The following IQCK variants were observed in gnomAD, a reference collection of about 807,000 sequenced individuals.
The protein encoded by IQCK is IQ domain-containing protein K.
A neutral mutation model predicts 28.1 loss-of-function variants in IQCK; 29 were observed. That is an observed-to-expected ratio of 1.03 (90% CI 0.77 to 1.41). The LOEUF (loss-of-function observed/expected upper bound fraction) is 1.41, where lower values mean the gene tolerates loss of function less well. Among genes scored for constraint, IQCK ranks in the 40% most tolerant of loss-of-function variants. The pLI is 0.00. For synonymous variants in IQCK, 113 were observed against 115.1 expected, an observed-to-expected ratio of 0.98 and a Z score of 0.12; for missense variants, 359 against 314.7, an observed-to-expected ratio of 1.14 and a Z score of -1.07.
exon 10 of IQCK, chr16:19,856,801 CTCAG>C: frequency 4.3e-6 from 2 of 460,772 alleles, no homozygotes; most frequent in Admixed American, 3.9e-5. Context: ...TCTTCAGTGC[CTCAG>C]GAGTATTCTT....
chr16:19,726,205 T>C (rs1977651229), intron 1 of IQCK, among the ~76,000 whole-genome samples: 1 of 151,196 alleles, frequency 6.6e-6, no homozygotes, highest in Non-Finnish European at 1.5e-5. Flanking sequence ...TGAGCCACCG[T>C]GCCCAGTCCG....
At chr16:19,718,764 C>A (rs1230180628) in intron 1 of IQCK, among the ~76,000 whole-genome samples, 2 of 151,380 alleles carry the variant, frequency 1.3e-5, no homozygotes, top group African/African-American at 4.8e-5. Flanking sequence ...CGGTGTGGAC[C>A]ATTGGTTCTT....
Position 19,733,242 on chromosome 16 carries a change from A to G in IQCK, c.247-456A>G, listed in dbSNP as rs1314707294. ...AGCCGCCACCTCCTGAGTTCAAGCA[A>G]TTATCCTGCCTCAGCCTTCCAAGTA... On this transcript the variant is annotated intron_variant, in intron 2 of 7. Transcript: ENST00000564186. Among the ~76,000 whole-genome samples the G allele has an allele frequency of 2.0e-5, 3 of 151,870 alleles. 1 individual carries two copies. Among genetic ancestry groups the G allele is most frequent in the Admixed American group, 1.3e-4 (2 of 15,240 alleles).
intron 9 of IQCK, among the ~76,000 whole-genome samples, chr16:19,848,933 T>C (rs907238723): frequency 5.3e-5 from 8 of 152,144 alleles, no homozygotes; most frequent in Admixed American, 1.3e-4. Context: ...TGGTCACCCC[T>C]ACTAAGGCCA....
chr16:19,722,284 C>T (rs774554735), intron 1 of IQCK, among the ~76,000 whole-genome samples: 1 of 152,264 alleles, frequency 6.6e-6, no homozygotes, highest in Non-Finnish European at 1.5e-5. Context: ...CATCTGTACA[C>T]GTGGAAGAAG....
At chr16:19,775,967 T>A (rs1247239936) in intron 6 of IQCK, among the ~76,000 whole-genome samples, 1 of 137,252 alleles carries the variant, frequency 7.3e-6, no homozygotes, top group Non-Finnish European at 1.5e-5. Context: ...CTGCAATCTC[T>A]GCCTCCCCAT....
At chr16:19,728,417 T>C (rs1977726980) in intron 1 of IQCK, among the ~76,000 whole-genome samples, 1 of 152,128 alleles carries the variant, frequency 6.6e-6, no homozygotes, top group East Asian at 1.9e-4. Flanking sequence ...GCCCAGCTAA[T>C]TTTTGTATTT....
intron 2 of IQCK, among the ~76,000 whole-genome samples, chr16:19,731,600 C>G (rs1263269402): frequency 6.6e-6 from 1 of 152,156 alleles, no homozygotes; most frequent in African/African-American, 2.4e-5. Flanking sequence ...TGATCTTCGT[C>G]TCTTGTGCTA....
chr16:19,793,547 G>C (rs1276581896), intron 7 of IQCK, among the ~76,000 whole-genome samples: 1 of 82,338 alleles, frequency 1.2e-5, no homozygotes, highest in Admixed American at 1.6e-4. Flanking sequence ...AAGACATCCT[G>C]TGTTCATTGA....
At chr16:19,767,985 C>T (rs2055265767) in intron 6 of IQCK, among the ~76,000 whole-genome samples, 1 of 149,964 alleles carries the variant, frequency 6.7e-6, no homozygotes, top group African/African-American at 2.4e-5. Flanking sequence ...TCATAATCTT[C>T]AGGTATAGCC....
intron 1 of IQCK, among the ~76,000 whole-genome samples, chr16:19,728,990 G>A (rs1045114843): frequency 6.6e-6 from 1 of 152,174 alleles, no homozygotes; most frequent in African/African-American, 2.4e-5. Context: ...AAGTGACTGT[G>A]CAATTGTCTT....
chr16:19,778,010 G>A lies in IQCK; in HGVS notation c.606-10828G>A, dbSNP rs914077574. Among the ~76,000 whole-genome samples the A allele has an allele frequency of 3.9e-5, 6 of 152,116 alleles. No homozygotes were observed. In the South Asian group the frequency reaches 6.3e-4, roughly 16 times the overall value. ...AGAGGTTGCAGTGAGCTGAGATCGC[G>A]CCATTGCACTCCAGCCCGGGTGACA... On this transcript the variant is annotated intron_variant, in intron 6 of 7. Coordinates refer to ENST00000564186, the Ensembl canonical transcript of IQCK.
intron 2 of IQCK, among the ~76,000 whole-genome samples, chr16:19,731,275 T>C (rs1486963321): frequency 6.6e-6 from 1 of 152,128 alleles, no homozygotes; most frequent in Non-Finnish European, 1.5e-5. Context: ...ACCTTGGAAT[T>C]AGATAGGAGC....
chr16:19,734,069 G>C (rs1977927662), intron 3 of IQCK: 1 of 409,988 alleles, frequency 2.4e-6, no homozygotes, highest in South Asian at 3.2e-5. Flanking sequence ...TAAAAAGTAG[G>C]AAAAGAGAAC....
chr16:19,743,190 T>TAAAA (rs1555514892), intron 4 of IQCK, among the ~76,000 whole-genome samples: 1 of 152,042 alleles, frequency 6.6e-6, no homozygotes, highest in African/African-American at 2.4e-5. Context: ...AATAAATAAA[T>TAAAA]AAAAGTCAGG....
intron 6 of IQCK, among the ~76,000 whole-genome samples, chr16:19,764,507 A>G (rs939204748): frequency 6.6e-6 from 1 of 152,142 alleles, no homozygotes; most frequent in Admixed American, 6.6e-5. Context: ...CATTTTTAAT[A>G]TAATAAAGAA....
chr16:19,739,742 G>A (rs1310820682), intron 4 of IQCK, among the ~76,000 whole-genome samples: 5 of 152,254 alleles, frequency 3.3e-5, no homozygotes, highest in African/African-American at 1.2e-4. Context: ...TTGAACCCTG[G>A]AAGTTGAGTC....
intron 7 of IQCK, among the ~76,000 whole-genome samples, chr16:19,814,243 A>C (rs1289128964): frequency 1.7e-4 from 26 of 149,566 alleles, no homozygotes; most frequent in Admixed American, 1.3e-3. Flanking sequence ...AAAAAAAAAA[A>C]AAACCACAAA....
intron 7 of IQCK, among the ~76,000 whole-genome samples, chr16:19,820,772 A>G (rs962861675): frequency 6.6e-6 from 1 of 152,202 alleles, no homozygotes; most frequent in Admixed American, 6.5e-5. Context: ...TATATAATAC[A>G]TTTGAGAAGC....
Sources: allele counts gnomAD v4.1 joint callset (sites outside exome capture counted in the v4.1 genomes callset), GRCh38; gene constraint gnomAD v4.1.1; transcripts MANE v1.5; gene names NCBI Gene and HGNC (gene_info 2026-07-23, HGNC 2026-07-21).